GMPS: variants seen among roughly 807,000 people sequenced by gnomAD.
GMPS encodes GMP synthase [glutamine-hydrolyzing].
Under a neutral mutation model 77.9 loss-of-function variants are expected in GMPS, and 15 were observed. The ratio of observed to expected loss-of-function variants is 0.19; its 90% CI spans 0.13 to 0.30. GMPS has a LOEUF of 0.30. Ranked by LOEUF, GMPS falls within the 10% of genes least tolerant of loss-of-function variation. GMPS has a pLI of 1.00. For synonymous variants in GMPS, 224 were observed against 275.9 expected, an observed-to-expected ratio of 0.81 and a Z score of 1.86; for missense variants, 590 against 838.8, an observed-to-expected ratio of 0.70 and a Z score of 3.66.
In GMPS at chr3:155,870,682, C is replaced by A. The variant is rs1213541795; in HGVS notation, c.-189C>A. The A allele has an allele frequency of 9.8e-6, 5 of 512,066 alleles. No individual in the cohort carries two copies. The East Asian group carries it at 1.4e-4, about 14-fold the overall frequency. 31.7% of individuals were successfully genotyped at this position (512,066 alleles called of 1,614,324 possible). On this transcript the variant is annotated 5_prime_UTR_variant, in exon 1 of 16. Transcript: ENST00000496455. ...GCGCTGCTGGTCTTCTCTCCCGCGG[C>A]GCTGGGGCCCGCGCTCCGCTGCTGT...
intron 1 of GMPS, among the ~76,000 whole-genome samples, chr3:155,873,034 C>T (rs1753941522): frequency 6.6e-6 from 1 of 152,128 alleles, no homozygotes; most frequent in African/African-American, 2.4e-5. Context: ...CCATAGCCTA[C>T]CACTGAACCA....
At chr3:155,928,912 A>C (rs1755527073) in intron 12 of GMPS, among the ~76,000 whole-genome samples, 2 of 151,220 alleles carry the variant, frequency 1.3e-5, no homozygotes, top group South Asian at 4.2e-4. Context: ...TATATGTGCC[A>C]CATTTTCTTA....
At chr3:155,901,243 A>AT (rs1754727348) in intron 3 of GMPS, among the ~76,000 whole-genome samples, 1 of 152,062 alleles carries the variant, frequency 6.6e-6, no homozygotes, top group African/African-American at 2.4e-5. Flanking sequence ...TAAATAATAT[A>AT]TTAGTTTTGC....
chr3:155,870,007 C>A (rs111469501), upstream of GMPS, among the ~76,000 whole-genome samples: 79 of 152,336 alleles, frequency 5.2e-4, 4 homozygotes, highest in African/African-American at 1.8e-3. Flanking sequence ...AACAGAGCTT[C>A]ACGACCAGTT....
intron 7 of GMPS, among the ~76,000 whole-genome samples, chr3:155,912,443 T>C (rs1755066665): frequency 1.3e-5 from 2 of 152,222 alleles, no homozygotes. Flanking sequence ...TTGTGAAATT[T>C]GCAAGATATT....
intron 1 of GMPS, among the ~76,000 whole-genome samples, chr3:155,890,510 T>C (rs1297120363): frequency 6.6e-6 from 1 of 152,142 alleles, no homozygotes; most frequent in East Asian, 1.9e-4. Flanking sequence ...TACAGTATAA[T>C]TTAAAATACT....
intron 1 of GMPS, among the ~76,000 whole-genome samples, chr3:155,880,056 G>A (rs1214345347): frequency 6.6e-6 from 1 of 150,954 alleles, no homozygotes; most frequent in East Asian, 1.9e-4. Context: ...GGTGTTCTTT[G>A]AAGCACCAAA....
chr3:155,914,095 C>T (rs545881206), intron 7 of GMPS, among the ~76,000 whole-genome samples: 67 of 152,104 alleles, frequency 4.4e-4, no homozygotes, highest in African/African-American at 1.1e-3. Flanking sequence ...TACAGGCACC[C>T]GTCACCACAC....
At position 155,943,909 on chromosome 3, in the gene GMPS, A is replaced by G. The variant is rs940267787; in HGVS notation, c.*6217A>G. The G allele has an allele frequency of 5.9e-5, 9 of 152,520 alleles. No homozygotes were observed. The highest frequency in any genetic ancestry group is 5.8e-4 in the East Asian group (3 of 5,200). 9.4% of individuals were successfully genotyped at this position (152,520 alleles called of 1,614,324 possible). On this transcript the variant is annotated 3_prime_UTR_variant, in exon 16 of 16. Coordinates refer to ENST00000496455, the MANE Select transcript of GMPS (RefSeq NM_003875.3). ...ATAGTAGGGGTTAACATTTTGCTCA[A>G]TGTTAACGGGGGACATAATGGACAT...
chr3:155,905,291 G>A (rs1754846026), intron 4 of GMPS, among the ~76,000 whole-genome samples: 1 of 152,102 alleles, frequency 6.6e-6, no homozygotes. Flanking sequence ...ATGAGCCACC[G>A]CGCCTGGCCG....
chr3:155,913,261 T>TA (rs1755085708), intron 7 of GMPS, among the ~76,000 whole-genome samples: 3 of 152,236 alleles, frequency 2.0e-5, no homozygotes, highest in Admixed American at 6.5e-5. Context: ...CTTGTCATCT[T>TA]ACGGTGAAGG....
At chr3:155,936,951 A>G (rs1755780321) in intron 15 of GMPS, among the ~76,000 whole-genome samples, 1 of 152,210 alleles carries the variant, frequency 6.6e-6, no homozygotes. Context: ...AGAACATTCC[A>G]AAGGAGCTAC....
intron 6 of GMPS, 31 bp from the exon 7 acceptor site, chr3:155,911,083 G>T (rs1283920968): frequency 1.3e-6 from 2 of 1,535,618 alleles, no homozygotes; most frequent in Admixed American, 2.0e-5. Flanking sequence ...TGCTTGTTTT[G>T]CTCATTTTGA....
At chr3:155,934,782 G>T in intron 13 of GMPS, 134 bp from the exon 14 acceptor site, 2 of 631,250 alleles carry the variant, frequency 3.2e-6, no homozygotes, top group South Asian at 3.8e-5. Context: ...GTTGAAGTGG[G>T]CAGGAGAAGG....
intron 10 of GMPS, among the ~76,000 whole-genome samples, chr3:155,920,861 G>GA (rs1755302403): frequency 1.3e-5 from 2 of 152,188 alleles, no homozygotes; most frequent in African/African-American, 4.8e-5. Context: ...CATCTCAAGT[G>GA]ATGCCTTTTC....
rs564101473 is a variant in GMPS at position 155,924,916 on chromosome 3, A to G, written c.1435-325A>G. 7.9e-5 allele frequency among the ~76,000 whole-genome samples: 12 copies of G among 152,370 alleles called. No individual in the cohort carries two copies. The South Asian group carries it at 2.5e-3, about 32-fold the overall frequency. ...TAAAAAAAAAGAAATGGCTAAAGCT[A>G]TATTAATTTCAGACAAAACTGACTT... On this transcript the variant is annotated intron_variant, in intron 11 of 15. Transcript: ENST00000496455.
At chr3:155,893,830 T>C in intron 2 of GMPS, 131 bp downstream of exon 2, 1 of 561,936 alleles carries the variant, frequency 1.8e-6, no homozygotes, top group Non-Finnish European at 3.0e-6. Flanking sequence ...AAATTTCCCA[T>C]GGCTCTGATT....
intron 7 of GMPS, among the ~76,000 whole-genome samples, chr3:155,912,292 A>T (rs1755061311): frequency 6.6e-6 from 1 of 152,204 alleles, no homozygotes; most frequent in Non-Finnish European, 1.5e-5. Flanking sequence ...AGAGGAGATG[A>T]CAGAAGACAG....
At chr3:155,921,474 A>G (rs919052151) in intron 10 of GMPS, among the ~76,000 whole-genome samples, 5 of 152,142 alleles carry the variant, frequency 3.3e-5, no homozygotes, top group African/African-American at 1.2e-4. Context: ...TAAACTAAAA[A>G]TATTTACTGG....
Sources: gnomAD v4.1 joint callset for allele counts (sites outside exome capture counted in the v4.1 genomes callset) on GRCh38, gnomAD v4.1.1 for gene constraint, MANE v1.5 for transcripts, NCBI Gene and HGNC (gene_info 2026-07-23, HGNC 2026-07-21) for gene names.